The following EYA1 variants were observed in gnomAD, a reference collection of about 807,000 sequenced individuals.
The protein encoded by EYA1 is EYA transcriptional coactivator and phosphatase 1.
A neutral mutation model predicts 82.0 loss-of-function variants in EYA1; 16 were observed. That is an observed-to-expected ratio of 0.20 (90% CI 0.13 to 0.30). The LOEUF is 0.30. EYA1 is among the 10% of genes least tolerant of loss of function. The pLI is 1.00. For missense variants in EYA1, 633 were observed against 730.7 expected (o/e 0.87, Z 1.54); for synonymous variants, 261 against 264.4 (o/e 0.99, Z 0.12).
chr8:71,457,720 T>C (rs12541247), intron 2 of EYA1, among the ~76,000 whole-genome samples: 25,335 of 151,990 alleles, frequency 0.17, 3,771 homozygotes, highest in East Asian at 0.47. Flanking sequence ...ATGAGAACAC[T>C]TGGACACAGG....
chr8:71,395,038 T>G (rs947927463), intron 2 of EYA1, among the ~76,000 whole-genome samples: 1 of 152,206 alleles, frequency 6.6e-6, no homozygotes, highest in Admixed American at 6.5e-5. Context: ...CTAGGTATTT[T>G]ATTCTCTTTG....
intron 2 of EYA1, among the ~76,000 whole-genome samples, chr8:71,524,429 C>A (rs563830165): frequency 5.3e-4 from 80 of 152,230 alleles, no homozygotes; most frequent in Non-Finnish European, 8.5e-4. Context: ...TAATCAATCC[C>A]AAACCCAGTA....
At chr8:71,329,636 C>A (rs1823585993) in intron 4 of EYA1, among the ~76,000 whole-genome samples, 1 of 152,160 alleles carries the variant, frequency 6.6e-6, no homozygotes, top group South Asian at 2.1e-4. Flanking sequence ...AAAGTAGAAG[C>A]CATCATTCGT....
chr8:71,379,273 G>C (rs1004141319), intron 2 of EYA1, among the ~76,000 whole-genome samples: 2 of 152,048 alleles, frequency 1.3e-5, no homozygotes, highest in African/African-American at 4.8e-5. Flanking sequence ...CTCCTACCCA[G>C]GTTTCATAGT....
intron 2 of EYA1, among the ~76,000 whole-genome samples, chr8:71,473,817 T>C (rs913582686): frequency 2.6e-5 from 4 of 152,100 alleles, no homozygotes; most frequent in Admixed American, 6.5e-5. Context: ...CCATCAATGA[T>C]AGACTGGATA....
At chr8:71,339,043 C>T (rs576252496) in intron 3 of EYA1, among the ~76,000 whole-genome samples, 1 of 152,292 alleles carries the variant, frequency 6.6e-6, no homozygotes, top group East Asian at 1.9e-4. Flanking sequence ...TACCTTCATT[C>T]CATATTGGTT....
At chr8:71,209,776 A>G (rs1808279467) in intron 17 of EYA1, among the ~76,000 whole-genome samples, 1 of 152,220 alleles carries the variant, frequency 6.6e-6, no homozygotes, top group South Asian at 2.1e-4. Context: ...ATGGAAAATT[A>G]TGCTGTTGGT....
Position 71,303,857 on chromosome 8 carries a change from A to G in EYA1, c.557-4137T>C, listed in dbSNP as rs1191716475. Among the ~76,000 whole-genome samples the G allele has an allele frequency of 2.1e-5, 3 of 142,610 alleles. 1 individual carries two copies. Among genetic ancestry groups the G allele is most frequent in the Non-Finnish European group, 4.8e-5 (3 of 62,860 alleles). The allele number at this position is 142,610 out of a possible 152,430, so 93.6% of individuals were successfully genotyped here. ...ACTTGATACTACAGGGTGTATGATC[A>G]TTCCCATTTTGCAGATAAGGAAACG... On this transcript the variant is annotated intron_variant, in intron 7 of 17. Coordinates refer to ENST00000340726, the MANE Select transcript of EYA1 (RefSeq NM_000503.6).
intron 6 of EYA1, among the ~76,000 whole-genome samples, chr8:71,318,217 A>C (rs1822142842): frequency 6.6e-6 from 1 of 152,208 alleles, no homozygotes; most frequent in East Asian, 1.9e-4. Flanking sequence ...CCAAAGAAGC[A>C]ATACTGGGCA....
intron 4 of EYA1, among the ~76,000 whole-genome samples, chr8:71,327,891 C>T (rs953730585): frequency 6.7e-6 from 1 of 148,164 alleles, no homozygotes; most frequent in Non-Finnish European, 1.5e-5. Context: ...GAGTCTCACC[C>T]TGTCGCCCTG....
At chr8:71,388,721 G>A (rs893100354) in intron 2 of EYA1, among the ~76,000 whole-genome samples, 6 of 152,194 alleles carry the variant, frequency 3.9e-5, no homozygotes, top group South Asian at 4.1e-4. Flanking sequence ...AATTTTGATC[G>A]GGAATAGGAA....
rs1017562882 is a variant in EYA1, at chr8:71,334,295, C to T, written c.125-121G>A. 1.2e-5 allele frequency: 10 copies of T among 826,042 alleles called. No individual in the cohort carries two copies. The Admixed American group carries it at 1.6e-4, about 13-fold the overall frequency. The allele number at this position is 826,042 out of a possible 1,614,324, so 51.2% of individuals were successfully genotyped here. ...TCATTTCAAAAAACATTTTCCCTAA[C>T]TGAACATATATCATAAGCATAAATA... On this transcript the variant is annotated intron_variant, in intron 3 of 17. Coordinates refer to ENST00000340726, the MANE Select transcript of EYA1 (RefSeq NM_000503.6).
At chr8:71,295,597 A>G (rs1329158048) in intron 9 of EYA1, among the ~76,000 whole-genome samples, 2 of 152,216 alleles carry the variant, frequency 1.3e-5, no homozygotes, top group Admixed American at 6.5e-5. Context: ...AGCAACAGGA[A>G]CTCTTATTCA....
At chr8:71,252,384 A>G (rs978689525) in intron 11 of EYA1, among the ~76,000 whole-genome samples, 4 of 152,070 alleles carry the variant, frequency 2.6e-5, no homozygotes, top group Non-Finnish European at 4.4e-5. Flanking sequence ...ATGGACTAAC[A>G]CACTCAATCT....
intron 2 of EYA1, among the ~76,000 whole-genome samples, chr8:71,507,680 GAAGA>G (rs1812295806): frequency 6.6e-6 from 1 of 152,190 alleles, no homozygotes; most frequent in South Asian, 2.1e-4. Flanking sequence ...ACCATAAAAA[GAAGA>G]AAGCAGTCTT....
At chr8:71,321,637 A>C in intron 6 of EYA1, 97 bp downstream of exon 6, 1 of 1,457,650 alleles carries the variant, frequency 6.9e-7, no homozygotes, top group Non-Finnish European at 9.3e-7. Context: ...AACACGTTCT[A>C]AATTGGCCAA....
At chr8:71,476,866 C>A (rs1240172002) in intron 2 of EYA1, among the ~76,000 whole-genome samples, 2 of 151,896 alleles carry the variant, frequency 1.3e-5, no homozygotes, top group African/African-American at 2.4e-5. Context: ...GTTGTACTGG[C>A]AGAAAAATAG....
chr8:71,482,382 C>T (rs1370755601), intron 2 of EYA1, among the ~76,000 whole-genome samples: 1 of 152,156 alleles, frequency 6.6e-6, no homozygotes, highest in Non-Finnish European at 1.5e-5. Flanking sequence ...AGTTAAAGAA[C>T]TAGTATCAAG....
chr8:71,496,799 G>A (rs954427045), intron 2 of EYA1, among the ~76,000 whole-genome samples: 1 of 151,774 alleles, frequency 6.6e-6, no homozygotes, highest in Non-Finnish European at 1.5e-5. Flanking sequence ...TGTGTCAGTC[G>A]ATTACCACCA....
Sources: allele counts gnomAD v4.1 joint callset (sites outside exome capture counted in the v4.1 genomes callset), GRCh38; gene constraint gnomAD v4.1.1; transcripts MANE v1.5; gene names NCBI Gene and HGNC (gene_info 2026-07-23, HGNC 2026-07-21).